The following CLASP1 variants were observed in gnomAD, a reference collection of about 807,000 sequenced individuals.
CLASP1 encodes the protein CLIP-associating protein 1.
In CLASP1, 38 loss-of-function variants were observed where a neutral mutation model predicts 192.3. That is an observed-to-expected ratio of 0.20 (90% CI 0.15 to 0.26). The LOEUF (loss-of-function observed/expected upper bound fraction) is 0.26, where lower values mean the gene tolerates loss of function less well. Ranked by LOEUF, CLASP1 falls within the 10% of genes least tolerant of loss-of-function variation. The pLI is 1.00. For missense variants in CLASP1, 1,433 were observed against 1,932.5 expected (o/e 0.74, Z 4.85); for synonymous variants, 691 against 712.8 (o/e 0.97, Z 0.49).
At chr2:121,442,668 C>G (rs558253324) in intron 19 of CLASP1, among the ~76,000 whole-genome samples, 1 of 151,954 alleles carries the variant, frequency 6.6e-6, no homozygotes, top group African/African-American at 2.4e-5. Flanking sequence ...TTAATAGAGA[C>G]GGGGTTTCAC....
chr2:121,403,774 G>T, intron 26 of CLASP1: 1 of 469,018 alleles, frequency 2.1e-6, no homozygotes. Context: ...CCTCAGCTGG[G>T]ACTCTCTCAT....
Position 121,475,278 on chromosome 2 carries a change from G to A in CLASP1, c.713-5318C>T, listed in dbSNP as rs528089250. ...GGCTTTTGGAGGATAAAAACCAACT[G>A]AGCCAATTATTTGAAAACTTAACTA... On this transcript the variant is annotated intron_variant, in intron 8 of 39. Transcript: ENST00000263710. Among the ~76,000 whole-genome samples the A allele has an allele frequency of 2.6e-5, 4 of 152,272 alleles. No individual in the cohort carries two copies. In the South Asian group the frequency reaches 8.3e-4, roughly 32 times the overall value.
At chr2:121,554,740 G>T (rs1013762008) in intron 2 of CLASP1, among the ~76,000 whole-genome samples, 1 of 152,216 alleles carries the variant, frequency 6.6e-6, no homozygotes, top group Non-Finnish European at 1.5e-5. Context: ...GGGGGTAGAA[G>T]TGAGTGTTGA....
intron 3 of CLASP1, 94 bp from the exon 4 acceptor site, chr2:121,528,874 C>T (rs868619258): frequency 3.3e-6 from 3 of 912,324 alleles, no homozygotes; most frequent in Non-Finnish European, 5.4e-6. Context: ...GAAGACAAAC[C>T]CCTGACCTAA....
rs757475581 is a variant in CLASP1 at position 121,530,933 on chromosome 2, A to C, written c.196-608T>G. Reference sequence around the variant, plus strand: ...TGTCCAATGAGCGCATAGTGAGGGCAGTACTGCTAACGCCTGAACAACACA... The same window carrying C: ...TGTCCAATGAGCGCATAGTGAGGGCCGTACTGCTAACGCCTGAACAACACA... On this transcript the variant is annotated intron_variant, in intron 2 of 39. Transcript: ENST00000263710. 7.1e-6 allele frequency: 5 copies of C among 700,310 alleles called. No individual in the cohort carries two copies. Among genetic ancestry groups the C allele is most frequent in the African/African-American group, 1.7e-5 (1 of 57,190 alleles). The allele number at this position is 700,310 out of a possible 1,614,324, so 43.4% of individuals were successfully genotyped here. A position where few individuals can be genotyped will look rare whatever the true frequency, so the allele number is the denominator to read the frequency against.
chr2:121,384,007 TACAC>T (rs771174974), intron 32 of CLASP1, among the ~76,000 whole-genome samples: 63 of 139,716 alleles, frequency 4.5e-4, no homozygotes, highest in African/African-American at 1.3e-3. Flanking sequence ...TATATATATA[TACAC>T]ACACACACAC....
chr2:121,496,604 C>T lies in CLASP1; in HGVS notation c.712+6563G>A, dbSNP rs192677826. On this transcript the variant is annotated intron_variant, in intron 8 of 39. Transcript: ENST00000263710. ...AGCTGGTTCGGTGAAACAAACCAAT[C>T]GCAGAGAACACTGGGACTAAGAGGC... is the stretch of plus-strand genomic sequence containing the variant. 4.5e-3 allele frequency among the ~76,000 whole-genome samples: 692 copies of T among 152,252 alleles called. 7 individuals are homozygous for T. Among genetic ancestry groups the T allele is most frequent in the African/African-American group, 0.016 (664 of 41,550 alleles).
chr2:121,645,106 T>G (rs939719189), intron 1 of CLASP1, among the ~76,000 whole-genome samples: 1 of 152,156 alleles, frequency 6.6e-6, no homozygotes, highest in African/African-American at 2.4e-5. Flanking sequence ...CTAACTAGAC[T>G]GCAAGCCCCT....
chr2:121,424,627 AT>A (rs1030007422), intron 22 of CLASP1, among the ~76,000 whole-genome samples: 3 of 152,234 alleles, frequency 2.0e-5, no homozygotes, highest in African/African-American at 7.2e-5. Context: ...AATATTATGT[AT>A]TGGTTTTAAT....
intron 8 of CLASP1, among the ~76,000 whole-genome samples, chr2:121,479,708 C>T (rs1429429527): frequency 1.3e-5 from 2 of 152,158 alleles, no homozygotes; most frequent in African/African-American, 2.4e-5. Context: ...CTGGGGTACA[C>T]GTATCACCCC....
At chr2:121,370,217 C>T (rs1486247878) in intron 34 of CLASP1, among the ~76,000 whole-genome samples, 3 of 152,188 alleles carry the variant, frequency 2.0e-5, no homozygotes, top group Non-Finnish European at 4.4e-5. Context: ...TACTGGCTCC[C>T]GAGTCTTTCA....
chr2:121,391,852 C>T (rs1435974747), intron 30 of CLASP1, among the ~76,000 whole-genome samples: 1 of 152,060 alleles, frequency 6.6e-6, no homozygotes, highest in Non-Finnish European at 1.5e-5. Context: ...TGCAGTGAGC[C>T]GAGATCGTGC....
chr2:121,375,658 A>G (rs927649222), intron 34 of CLASP1, among the ~76,000 whole-genome samples: 15 of 152,116 alleles, frequency 9.9e-5, no homozygotes, highest in African/African-American at 3.4e-4. Flanking sequence ...CACCGCACCT[A>G]GCTGGTAGTT....
chr2:121,550,005 C>CAA (rs59439843), intron 2 of CLASP1, among the ~76,000 whole-genome samples: 2,525 of 55,166 alleles, frequency 0.046, 58 homozygotes, highest in East Asian at 0.14. Flanking sequence ...GACTCCGTCT[C>CAA]AAAAAAAAAA....
chr2:121,522,124 A>ATGTG (rs143637796), intron 6 of CLASP1, among the ~76,000 whole-genome samples: 2 of 152,044 alleles, frequency 1.3e-5, no homozygotes, highest in Admixed American at 6.6e-5. Flanking sequence ...ATGTCTGTGT[A>ATGTG]TGTGTGTGTG....
chr2:121,628,810 G>T (rs1353280781), intron 1 of CLASP1, among the ~76,000 whole-genome samples: 1 of 150,162 alleles, frequency 6.7e-6, no homozygotes, highest in Non-Finnish European at 1.5e-5. Flanking sequence ...ATCTAAGAAT[G>T]CATCTAAGGA....
At chr2:121,517,370 G>A (rs202189122) in intron 6 of CLASP1, among the ~76,000 whole-genome samples, 1 of 152,112 alleles carries the variant, frequency 6.6e-6, no homozygotes, top group African/African-American at 2.4e-5. Context: ...ATACTGAAGG[G>A]AGTCCTCTGA....
In CLASP1 at chr2:121,378,516, T is replaced by C. The variant is rs182107688; in HGVS notation, c.3492-867A>G. 7.8e-4 allele frequency among the ~76,000 whole-genome samples: 118 copies of C among 152,166 alleles called. No individual in the cohort carries two copies. The East Asian group carries it at 8.1e-3, about 10-fold the overall frequency. On this transcript the variant is annotated intron_variant, in intron 33 of 39. Transcript: ENST00000263710. ...AAGTGCCTTTTAGATGTCTGGAAAG[T>C]GCACTGAAACAGGGAGAATCCTGAG... is the stretch of plus-strand genomic sequence containing the variant.
At chr2:121,573,836 T>TA (rs186022050) in intron 2 of CLASP1, among the ~76,000 whole-genome samples, 1,747 of 152,182 alleles carry the variant, frequency 0.011, 27 homozygotes, top group African/African-American at 0.032. Context: ...GAAGGTAGCC[T>TA]AAAAAAACAA....
Sources: gnomAD v4.1 joint callset for allele counts (sites outside exome capture counted in the v4.1 genomes callset) on GRCh38, gnomAD v4.1.1 for gene constraint, MANE v1.5 for transcripts, NCBI Gene and HGNC (gene_info 2026-07-23, HGNC 2026-07-21) for gene names.